The following ARHGAP24 variants were observed in gnomAD, a reference collection of about 807,000 sequenced individuals.
The protein encoded by ARHGAP24 is Rho GTPase activating protein 24.
A neutral mutation model predicts 76.4 loss-of-function variants in ARHGAP24; 50 were observed. That is an observed-to-expected ratio of 0.65 (90% CI 0.52 to 0.83). ARHGAP24 has a LOEUF of 0.83. ARHGAP24 is among the 40% of genes least tolerant of loss of function. The probability of loss-of-function intolerance (pLI) is 0.00; values close to 1 mark genes in which losing one functional copy is unlikely to be tolerated. For synonymous variants in ARHGAP24, 345 were observed against 323.3 expected, an observed-to-expected ratio of 1.07 and a Z score of -0.72; for missense variants, 930 against 914.2, an observed-to-expected ratio of 1.02 and a Z score of -0.22.
chr4:85,488,198 G>C (rs551485746), intron 1 of ARHGAP24, among the ~76,000 whole-genome samples: 2 of 151,756 alleles, frequency 1.3e-5, no homozygotes, highest in East Asian at 1.9e-4. Flanking sequence ...TATTTTCCAC[G>C]AAAGAAATTC....
intron 3 of ARHGAP24, among the ~76,000 whole-genome samples, chr4:85,863,267 G>T (rs1368802999): frequency 6.6e-6 from 1 of 152,010 alleles, no homozygotes; most frequent in African/African-American, 2.4e-5. Context: ...TCAGGTCCCA[G>T]TTTAAAACTC....
At chr4:85,699,798 C>A (rs1224593441) in intron 2 of ARHGAP24, among the ~76,000 whole-genome samples, 1 of 151,920 alleles carries the variant, frequency 6.6e-6, no homozygotes, top group African/African-American at 2.4e-5. Flanking sequence ...TGTCTGTCTC[C>A]CATTAAGTAT....
intron 5 of ARHGAP24, among the ~76,000 whole-genome samples, chr4:85,946,467 C>A (rs966043739): frequency 6.6e-6 from 1 of 152,112 alleles, no homozygotes; most frequent in African/African-American, 2.4e-5. Flanking sequence ...TTTATTTCAA[C>A]CCTTAGCACC....
At chr4:85,572,946 G>T (rs545228675) in intron 2 of ARHGAP24, among the ~76,000 whole-genome samples, 2 of 142,704 alleles carry the variant, frequency 1.4e-5, no homozygotes, top group East Asian at 4.1e-4. Context: ...GTGCGATCTC[G>T]GCTCACTGCA....
At chr4:85,665,031 C>T (rs1343852117) in intron 2 of ARHGAP24, among the ~76,000 whole-genome samples, 1 of 151,808 alleles carries the variant, frequency 6.6e-6, no homozygotes, top group African/African-American at 2.4e-5. Flanking sequence ...CTATTAGGTC[C>T]CCTTGGTGCA....
At chr4:85,909,370 G>A (rs749736506) in intron 3 of ARHGAP24, among the ~76,000 whole-genome samples, 3 of 151,918 alleles carry the variant, frequency 2.0e-5, no homozygotes, top group Non-Finnish European at 4.4e-5. Context: ...ATAAGATTAA[G>A]AAAGACTGCA....
chr4:85,491,966 G>C (rs1014739268), intron 1 of ARHGAP24, among the ~76,000 whole-genome samples: 9 of 151,938 alleles, frequency 5.9e-5, no homozygotes, highest in African/African-American at 2.2e-4. Context: ...TAAATGTCTT[G>C]TTTCTATTCT....
At chr4:85,840,160 C>T (rs1730523534) in intron 3 of ARHGAP24, among the ~76,000 whole-genome samples, 1 of 150,170 alleles carries the variant, frequency 6.7e-6, no homozygotes, top group East Asian at 1.9e-4. Flanking sequence ...CCACCACGCC[C>T]AGCCTTAAGT....
chr4:85,842,662 CA>C (rs1261534151), intron 3 of ARHGAP24, among the ~76,000 whole-genome samples: 2 of 152,150 alleles, frequency 1.3e-5, no homozygotes, highest in African/African-American at 4.8e-5. Flanking sequence ...TCAGCTGTGG[CA>C]AAAATTAGTC....
At chr4:85,566,576 G>C (rs1460226098) in intron 1 of ARHGAP24, among the ~76,000 whole-genome samples, 2 of 152,148 alleles carry the variant, frequency 1.3e-5, no homozygotes, top group Non-Finnish European at 2.9e-5. Flanking sequence ...AATATTCTTT[G>C]TAGAGATTCT....
At chr4:85,760,467 A>G (rs1726692507) in intron 3 of ARHGAP24, among the ~76,000 whole-genome samples, 1 of 152,242 alleles carries the variant, frequency 6.6e-6, no homozygotes, top group South Asian at 2.1e-4. Context: ...TTTAAGAAAC[A>G]GAATTTTCTA....
At chr4:85,496,640 T>G (rs1723595415) in intron 1 of ARHGAP24, among the ~76,000 whole-genome samples, 1 of 152,160 alleles carries the variant, frequency 6.6e-6, no homozygotes, top group Non-Finnish European at 1.5e-5. Flanking sequence ...CATGCAACAC[T>G]GTGAAGATTA....
intron 1 of ARHGAP24, among the ~76,000 whole-genome samples, chr4:85,501,142 G>C (rs1028144265): frequency 6.6e-6 from 1 of 152,140 alleles, no homozygotes; most frequent in Non-Finnish European, 1.5e-5. Flanking sequence ...CATCTGGGTT[G>C]GTTCCAAGTC....
rs568843641 is a variant in ARHGAP24 at position 85,817,142 on chromosome 4, G to A, written c.268+95170G>A. On this transcript the variant is annotated intron_variant, in intron 3 of 9. Transcript: ENST00000395184. ...TCATTTGTTTTCTCTTTATTAAGTTGAGTCCCTTATATATTTTGTACATTA... is the reference window on the plus strand; with the variant it reads ...TCATTTGTTTTCTCTTTATTAAGTTAAGTCCCTTATATATTTTGTACATTA... 4.6e-5 allele frequency among the ~76,000 whole-genome samples: 7 copies of A among 152,072 alleles called. No homozygotes were observed. The East Asian group carries it at 1.3e-3, about 29-fold the overall frequency.
Position 85,651,585 on chromosome 4 carries a change from A to T in ARHGAP24, c.181-70300A>T, listed in dbSNP as rs28483739. 3.0e-3 allele frequency among the ~76,000 whole-genome samples: 444 copies of T among 148,864 alleles called. 61 individuals are homozygous for T. Among genetic ancestry groups the T allele is most frequent in the African/African-American group, 0.011 (420 of 38,758 alleles). On this transcript the variant is annotated intron_variant, in intron 2 of 9. Transcript: ENST00000395184. ...TTTAATAATTTTAAAGGTAATTTTT[A>T]AAAGTTCCTCATAATTACTAGTGTT...
chr4:85,543,604 T>A (rs1170111438), intron 1 of ARHGAP24, among the ~76,000 whole-genome samples: 1 of 152,204 alleles, frequency 6.6e-6, no homozygotes, highest in Non-Finnish European at 1.5e-5. Flanking sequence ...CTTCTGAATC[T>A]TAAATCAAGC....
chr4:85,523,457 A>C (rs1325912220), intron 1 of ARHGAP24, among the ~76,000 whole-genome samples: 1 of 152,190 alleles, frequency 6.6e-6, no homozygotes, highest in East Asian at 1.9e-4. Context: ...TCAAAGTATA[A>C]TCAGGATAAT....
At chr4:85,715,115 A>G (rs114631180) in intron 2 of ARHGAP24, among the ~76,000 whole-genome samples, 44 of 152,258 alleles carry the variant, frequency 2.9e-4, no homozygotes, top group African/African-American at 1.0e-3. Flanking sequence ...GTGTTTAGCA[A>G]AGTAATAGTC....
chr4:85,519,495 CTTATTA>C (rs1724653637), intron 1 of ARHGAP24, among the ~76,000 whole-genome samples: 1 of 152,030 alleles, frequency 6.6e-6, no homozygotes. Context: ...AATTAAATAA[CTTATTA>C]TTAACTATCA....
Sources: allele counts gnomAD v4.1 joint callset (sites outside exome capture counted in the v4.1 genomes callset), GRCh38; gene constraint gnomAD v4.1.1; transcripts MANE v1.5; gene names NCBI Gene and HGNC (gene_info 2026-07-23, HGNC 2026-07-21).